Variants in MAD1L1 observed in about 807,000 individuals in gnomAD.
MAD1L1 encodes mitotic arrest deficient 1 like 1.
MAD1L1 carries 95 observed loss-of-function variants against 96.9 expected under a neutral mutation model. The ratio of observed to expected loss-of-function variants is 0.98; its 90% CI spans 0.83 to 1.16. The LOEUF (loss-of-function observed/expected upper bound fraction) is 1.16, where lower values mean the gene tolerates loss of function less well. Ranked by LOEUF, MAD1L1 falls within the 50% of genes most tolerant of loss-of-function variation. The pLI, the probability that MAD1L1 is intolerant of heterozygous loss-of-function variation, is 0.00. For synonymous variants in MAD1L1, 473 were observed against 396.6 expected, an observed-to-expected ratio of 1.19 and a Z score of -2.29; for missense variants, 1,007 against 954.4, an observed-to-expected ratio of 1.06 and a Z score of -0.73.
intron 10 of MAD1L1, among the ~76,000 whole-genome samples, chr7:2,173,503 G>T (rs978034687): frequency 6.6e-6 from 1 of 152,214 alleles, no homozygotes; most frequent in African/African-American, 2.4e-5. Flanking sequence ...TTGCTTAGCT[G>T]TCTGTTTATC....
chr7:2,217,929 A>T, intron 7 of MAD1L1, 33 bp downstream of exon 7: 1 of 1,571,666 alleles, frequency 6.4e-7, no homozygotes, highest in South Asian at 1.1e-5. Context: ...CACCACAGGG[A>T]TGTCCACAAG....
intron 10 of MAD1L1, among the ~76,000 whole-genome samples, chr7:2,183,247 G>C (rs958428187): frequency 2.6e-5 from 4 of 151,412 alleles, no homozygotes; most frequent in African/African-American, 9.7e-5. Context: ...CAGTCTTACA[G>C]TAGTAGTCAT....
chr7:1,914,021 C>T (rs902394897), intron 17 of MAD1L1, among the ~76,000 whole-genome samples: 26 of 52,860 alleles, frequency 4.9e-4, no homozygotes, highest in Non-Finnish European at 9.4e-4. Flanking sequence ...GGGCAGGTCT[C>T]CCCCCCCAGC....
At chr7:1,997,384 C>A (rs1458321515) in intron 14 of MAD1L1, among the ~76,000 whole-genome samples, 5 of 152,212 alleles carry the variant, frequency 3.3e-5, no homozygotes, top group Non-Finnish European at 7.3e-5. Context: ...CCTGAGGGTG[C>A]AGACCACCTA....
intron 15 of MAD1L1, among the ~76,000 whole-genome samples, chr7:1,971,137 G>A (rs959315077): frequency 2.0e-5 from 3 of 152,066 alleles, no homozygotes; most frequent in African/African-American, 7.2e-5. Flanking sequence ...CAGGCCCGCA[G>A]TTAGAACTCG....
chr7:2,195,415 C>A (rs1791936127), intron 10 of MAD1L1, among the ~76,000 whole-genome samples: 1 of 152,144 alleles, frequency 6.6e-6, no homozygotes, highest in East Asian at 1.9e-4. Context: ...GCTAGCAATG[C>A]AGGAAAAGTA....
intron 18 of MAD1L1, among the ~76,000 whole-genome samples, chr7:1,887,741 C>A (rs567529759): frequency 3.0e-5 from 4 of 135,158 alleles, no homozygotes; most frequent in Non-Finnish European, 6.3e-5. Context: ...ATGTGGCTTC[C>A]TGTGCATGTG....
intron 10 of MAD1L1, among the ~76,000 whole-genome samples, chr7:2,183,972 C>T (rs188347862): frequency 8.0e-4 from 121 of 152,006 alleles, no homozygotes; most frequent in Admixed American, 4.8e-3. Context: ...AGAACTCAGC[C>T]GGGCGCAGTG....
chr7:2,069,812 C>T (rs1255765048), intron 11 of MAD1L1, among the ~76,000 whole-genome samples: 1 of 152,236 alleles, frequency 6.6e-6, no homozygotes, highest in Non-Finnish European at 1.5e-5. Flanking sequence ...TCCTGTGGGC[C>T]GACGCCAGAG....
intron 11 of MAD1L1, among the ~76,000 whole-genome samples, chr7:2,127,772 G>A (rs747951643): frequency 2.0e-5 from 3 of 152,142 alleles, no homozygotes; most frequent in South Asian, 2.1e-4. Context: ...AAGAGCAGCC[G>A]GCACTGTGGG....
Position 1,907,998 on chromosome 7 carries a change from C to T in MAD1L1, c.1808-9608G>A, listed in dbSNP as rs537832077. 6.6e-3 allele frequency among the ~76,000 whole-genome samples: 1,005 copies of T among 152,322 alleles called. 3 individuals are homozygous for T. The highest frequency in any genetic ancestry group is 0.018 in the South Asian group (87 of 4,828). On this transcript the variant is annotated intron_variant, in intron 17 of 18. Transcript: ENST00000265854. ...CCCGTGACCCCAGAGCTCAGGAGTC[C>T]GGCCAGGGCCACCCTGCAAGGGTGA...
chr7:2,188,312 A>G (rs1321468832), intron 10 of MAD1L1, among the ~76,000 whole-genome samples: 1 of 152,220 alleles, frequency 6.6e-6, no homozygotes, highest in African/African-American at 2.4e-5. Context: ...ACCTAACTAA[A>G]TATTTTGCAG....
At chr7:2,226,919 G>A (rs1027157015) in intron 3 of MAD1L1, among the ~76,000 whole-genome samples, 3 of 151,688 alleles carry the variant, frequency 2.0e-5, no homozygotes, top group Non-Finnish European at 2.9e-5. Context: ...CCCAGGAGGC[G>A]AAGGTTGCAG....
At chr7:2,219,265 GA>G in intron 6 of MAD1L1, 66 bp downstream of exon 6, 1 of 1,429,876 alleles carries the variant, frequency 7.0e-7, no homozygotes, top group South Asian at 1.3e-5. Context: ...CAGCCACCAG[GA>G]GAGAGGTGGG....
intron 12 of MAD1L1, among the ~76,000 whole-genome samples, chr7:2,038,498 C>CGTTTTTT (rs1783537660): frequency 1.1e-5 from 1 of 92,826 alleles, no homozygotes; most frequent in Non-Finnish European, 2.2e-5. Flanking sequence ...AAGCTGATGA[C>CGTTTTTT]TTTTTTTTTT....
chr7:2,213,281 G>C lies in MAD1L1; in HGVS notation c.925-8C>G, dbSNP rs1562377971. 4 of 1,613,944 alleles carry C rather than the reference G, an allele frequency of 2.5e-6. No individual in the cohort carries two copies. Among genetic ancestry groups the C allele is most frequent in the East Asian group, 2.2e-5 (1 of 44,874 alleles). ...CAGCTTGGCCAGCAGCCTCTGAAAA[G>C]ACAACAAAAGCACAGACCCTGTCAT... On this transcript the variant is annotated splice_polypyrimidine_tract_variant and splice_region_variant and intron_variant, in intron 9 of 18. Coordinates refer to ENST00000265854, the MANE Select transcript of MAD1L1 (RefSeq NM_001013836.2).
At chr7:2,162,319 G>C (rs1230303845) in intron 10 of MAD1L1, among the ~76,000 whole-genome samples, 1 of 152,176 alleles carries the variant, frequency 6.6e-6, no homozygotes, top group Non-Finnish European at 1.5e-5. Context: ...AACATGTGCT[G>C]TGTCCACTCA....
chr7:1,931,460 A>C (rs1273318857), intron 17 of MAD1L1, among the ~76,000 whole-genome samples: 1 of 152,250 alleles, frequency 6.6e-6, no homozygotes, highest in East Asian at 1.9e-4. Flanking sequence ...GTCAGGGAAC[A>C]GCGGTCTCCA....
intron 17 of MAD1L1, among the ~76,000 whole-genome samples, chr7:1,924,974 C>T (rs916588493): frequency 1.3e-5 from 2 of 151,822 alleles, no homozygotes; most frequent in Non-Finnish European, 2.9e-5. Flanking sequence ...ATAATAAAGA[C>T]ATAGATACAT....
Sources: gnomAD v4.1 joint callset for allele counts (sites outside exome capture counted in the v4.1 genomes callset) on GRCh38, gnomAD v4.1.1 for gene constraint, MANE v1.5 for transcripts, NCBI Gene and HGNC (gene_info 2026-07-23, HGNC 2026-07-21) for gene names.